HMCN2: variants seen among roughly 807,000 people sequenced by gnomAD.
The protein encoded by HMCN2 is hemicentin-2.
A neutral mutation model predicts 377.5 loss-of-function variants in HMCN2; 325 were observed. The ratio of observed to expected loss-of-function variants is 0.86; its 90% CI spans 0.79 to 0.94. The LOEUF (loss-of-function observed/expected upper bound fraction) is 0.94, where lower values mean the gene tolerates loss of function less well. HMCN2 is among the 40% of genes least tolerant of loss of function. HMCN2 has a pLI of 0.00. For missense variants in HMCN2, 4,543 were observed against 4,725.3 expected, an observed-to-expected ratio of 0.96 and a Z score of 1.13; for synonymous variants, 2,007 against 2,046.8, an observed-to-expected ratio of 0.98 and a Z score of 0.53.
chr9:130,393,128 C>T lies in HMCN2; in HGVS notation c.10137-84C>T, dbSNP rs1842422940. ...GGAGGAAGTCTTTCCACGCAGCCAG[C>T]CTCTCCTGTCTCTCTCCCTTTCTCT... On this transcript the variant is annotated intron_variant, in intron 66 of 97. Coordinates refer to ENST00000683500, the MANE Select transcript of HMCN2 (RefSeq NM_001291815.2). The surrounding 1 kb of genome is among the most constrained non-coding windows in gnomAD (Gnocchi z 5.2). The T allele has an allele frequency of 3.5e-6, 3 of 865,480 alleles. No homozygotes were observed. Among genetic ancestry groups the T allele is most frequent in the South Asian group, 1.1e-4 (2 of 18,914 alleles). 53.6% of individuals were successfully genotyped at this position (865,480 alleles called of 1,614,324 possible). A position where few individuals can be genotyped will look rare whatever the true frequency, so the allele number is the denominator to read the frequency against.
In HMCN2 at chr9:130,358,186, T is replaced by TG. The variant is rs778553184; in HGVS notation, c.5581-197dup. Among the ~76,000 whole-genome samples the TG allele has an allele frequency of 4.3e-4, 65 of 152,064 alleles. 1 individual carries two copies. The highest frequency in any genetic ancestry group is 8.3e-4 in the South Asian group (4 of 4,792). ...AGTTGTCAGAGGGAGAAAATGTCAGTGGGGGGGACAGGGAATGGTATGCCT... is the reference window on the plus strand; with the variant it reads ...AGTTGTCAGAGGGAGAAAATGTCAGTGGGGGGGGACAGGGAATGGTATGCCT... On this transcript the variant is annotated intron_variant, in intron 35 of 97. Coordinates refer to ENST00000683500, the MANE Select transcript of HMCN2 (RefSeq NM_001291815.2).
At chr9:130,431,749 G>C (rs1844771455) in intron 96 of HMCN2, among the ~76,000 whole-genome samples, 1 of 152,248 alleles carries the variant, frequency 6.6e-6, no homozygotes, top group South Asian at 2.1e-4. Flanking sequence ...TCCTAGCACT[G>C]CTGTGTGTCC....
At chr9:130,326,759 CG>C (rs1218844618) in intron 21 of HMCN2, among the ~76,000 whole-genome samples, 1 of 151,888 alleles carries the variant, frequency 6.6e-6, no homozygotes, top group African/African-American at 2.4e-5. Flanking sequence ...AAGGCGGAGG[CG>C]GGGAGCGGGG....
At position 130,403,849 on chromosome 9, in the gene HMCN2, T is replaced by C. The variant is rs1053035286; in HGVS notation, c.12122T>C (p.Met4041Thr). 1 of 1,289,558 alleles carries C rather than the reference T, an allele frequency of 7.8e-7. No homozygotes were observed. The highest frequency in any genetic ancestry group is 1.5e-5 in the African/African-American group (1 of 65,960). The allele number at this position is 1,289,558 out of a possible 1,614,324, so 79.9% of individuals were successfully genotyped here. ...CIAKNSAGSAMGKTRLVVQVP... is the reference protein window; with the variant it reads ...CIAKNSAGSATGKTRLVVQVP... ...GCTAAGAACAGTGCGGGCAGTGCCA[T>C]GGGGAAGACGCGGCTGGTGGTGCAA... Residue 4041 changes from methionine (M) to threonine (T), a missense_variant, in exon 80 of 98, where the codon ATG becomes ACG. Physicochemically the swap from Met to Thr is moderately conservative, Grantham distance 81. Coordinates refer to ENST00000683500, the MANE Select transcript of HMCN2 (RefSeq NM_001291815.2).
At chr9:130,318,043 G>A (rs1353291775) in intron 15 of HMCN2, among the ~76,000 whole-genome samples, 2 of 152,190 alleles carry the variant, frequency 1.3e-5, no homozygotes, top group Non-Finnish European at 2.9e-5. Flanking sequence ...TGCAGGAACA[G>A]TGACCTTGTG....
intron 94 of HMCN2, 200 bp downstream of exon 94, chr9:130,429,885 C>T (rs1844633802): frequency 9.7e-7 from 1 of 1,028,902 alleles, no homozygotes; most frequent in East Asian, 2.7e-5. Context: ...TTTGCACTCA[C>T]TGGGTGCCTG....
chr9:130,357,382 ATGGG>A (rs1840097284), intron 34 of HMCN2, among the ~76,000 whole-genome samples: 1 of 145,392 alleles, frequency 6.9e-6, no homozygotes, highest in Non-Finnish European at 1.5e-5. Context: ...AGATGGATGG[ATGGG>A]TGGATGGATG....
At position 130,394,273 on chromosome 9, in the gene HMCN2, G is replaced by A. The variant is rs1842486406; in HGVS notation, c.10502-112G>A. The A allele has an allele frequency of 1.4e-6, 1 of 701,930 alleles. No individual in the cohort carries two copies. The highest frequency in any genetic ancestry group is 2.1e-6 in the Non-Finnish European group (1 of 485,518). 43.5% of individuals were successfully genotyped at this position (701,930 alleles called of 1,614,324 possible). On this transcript the variant is annotated intron_variant, in intron 68 of 97. Coordinates refer to ENST00000683500, the MANE Select transcript of HMCN2 (RefSeq NM_001291815.2). This position sits in a 1 kb window ranked among gnomAD's most constrained non-coding sequence, Gnocchi z 5.1. ...ACCTTGGTGGCAGATGCAAGAACAA[G>A]GGCCACCAAAATGTGGGAGCAGAGC...
intron 74 of HMCN2, among the ~76,000 whole-genome samples, chr9:130,398,177 A>AAAAAAAAAAAAAAT (rs1842701237): frequency 6.6e-6 from 1 of 151,142 alleles, no homozygotes; most frequent in African/African-American, 2.4e-5. Context: ...AAAAAAAAAA[A>AAAAAAAAAAAAAAT]AGTAAAACAT....
rs550388407 is a variant in HMCN2, at chr9:130,409,924, CT to C, written c.12880-646del. Among the ~76,000 whole-genome samples the C allele has an allele frequency of 4.9e-4, 74 of 152,330 alleles. 1 individual carries two copies. Among genetic ancestry groups the C allele is most frequent in the African/African-American group, 1.8e-3 (73 of 41,574 alleles). ...TGGCCTCAGGCTGCCCCAGGCCCAT[CT>C]GATGGTGGCGCTGCCACTCAGAAGT... On this transcript the variant is annotated intron_variant, in intron 84 of 97. Coordinates refer to ENST00000683500, the MANE Select transcript of HMCN2 (RefSeq NM_001291815.2).
Position 130,360,549 on chromosome 9 carries a change from T to C in HMCN2, c.5895T>C (p.Cys1965=). 1 of 1,304,260 alleles carries C rather than the reference T, an allele frequency of 7.7e-7. No individual in the cohort carries two copies. Among genetic ancestry groups the C allele is most frequent in the Non-Finnish European group, 1.0e-6 (1 of 988,920 alleles). 80.8% of individuals were successfully genotyped at this position (1,304,260 alleles called of 1,614,324 possible). A position where few individuals can be genotyped will look rare whatever the true frequency, so the allele number is the denominator to read the frequency against. ...AQLSDAGSYR[C]VASNVAGSTE... ...TTTCTGATGCTGGGAGCTACCGCTGTGTGGCATCCAATGTGGCAGGTAGCA... is the reference window on the plus strand; with the variant it reads ...TTTCTGATGCTGGGAGCTACCGCTGCGTGGCATCCAATGTGGCAGGTAGCA... Residue 1965 remains cysteine, a synonymous_variant, in exon 38 of 98, where the codon TGT becomes TGC. Coordinates refer to ENST00000683500, the MANE Select transcript of HMCN2 (RefSeq NM_001291815.2). This position sits in a 1 kb window ranked among gnomAD's most constrained non-coding sequence, Gnocchi z 4.7.
rs534151340 is a variant in HMCN2 at position 130,393,655 on chromosome 9, T to A, written c.10235-87T>A. 224 of 1,158,960 alleles carry A rather than the reference T, an allele frequency of 1.9e-4. 1 individual carries two copies. The South Asian group carries it at 3.4e-3, about 18-fold the overall frequency. 71.8% of individuals were successfully genotyped at this position (1,158,960 alleles called of 1,614,324 possible). A position where few individuals can be genotyped will look rare whatever the true frequency, so the allele number is the denominator to read the frequency against. On this transcript the variant is annotated intron_variant, in intron 67 of 97. Coordinates refer to ENST00000683500, the MANE Select transcript of HMCN2 (RefSeq NM_001291815.2). This position sits in a 1 kb window ranked among gnomAD's most constrained non-coding sequence, Gnocchi z 5.2. Reference sequence around the variant, plus strand: ...CTGGCCTTGGGGGACCAGGGCGGCTTCCTGGAAGAGGTGATGTCTAAGCTG... The same window carrying A: ...CTGGCCTTGGGGGACCAGGGCGGCTACCTGGAAGAGGTGATGTCTAAGCTG...
chr9:130,384,824 G>C, intron 59 of HMCN2, 26 bp downstream of exon 59: 1 of 1,269,754 alleles, frequency 7.9e-7, no homozygotes, highest in South Asian at 1.2e-5. Flanking sequence ...TCCCCAACTT[G>C]TACTGTCCCC....
At chr9:130,364,675 A>T (rs900087724) in intron 40 of HMCN2, 39 bp from the exon 41 acceptor site, 1 of 977,296 alleles carries the variant, frequency 1.0e-6, no homozygotes, top group East Asian at 1.1e-4. Flanking sequence ...AGCCCCACCC[A>T]TGTGCCTGAG....
intron 4 of HMCN2, among the ~76,000 whole-genome samples, chr9:130,291,090 C>A (rs1229999452): frequency 6.6e-6 from 1 of 152,134 alleles, no homozygotes; most frequent in Non-Finnish European, 1.5e-5. Flanking sequence ...TGTGGCTTTG[C>A]CTTTCTTCTT....
At position 130,430,420 on chromosome 9, in the gene HMCN2, T is replaced by C. The variant is rs2131836083; in HGVS notation, c.14463T>C (p.Asn4821=). Residue 4821 remains asparagine (N), a synonymous_variant, in exon 95 of 98, where the codon AAT becomes AAC. Coordinates refer to ENST00000683500, the MANE Select transcript of HMCN2 (RefSeq NM_001291815.2). ...DGKACTSLER[N]GQNVTTVSHR... is the part of the protein sequence containing the mutation. The stretch of plus-strand genomic sequence containing the variant: ...AGGCCTGCACCTCACTGGAGCGGAA[T>C]GGACAAAATGTGACCACCGTCAGCC... The C allele has an allele frequency of 6.4e-7, 1 of 1,550,504 alleles. No individual in the cohort carries two copies. Among genetic ancestry groups the C allele is most frequent in the South Asian group, 1.2e-5 (1 of 84,066 alleles).
Position 130,425,914 on chromosome 9 carries a change from C to T in HMCN2, c.13869C>T (p.Ala4623=). The T allele has an allele frequency of 6.5e-7, 1 of 1,547,904 alleles. No individual in the cohort carries two copies. Residue 4623 remains alanine (A), a synonymous_variant, in exon 90 of 98, where the codon GCC becomes GCT. Transcript: ENST00000683500. ...CCCTGCGCTTCCAGCTCGCTACAGCCCTGCAGGCGGGTGAGGCCCCTCTGC... is the reference window on the plus strand; with the variant it reads ...CCCTGCGCTTCCAGCTCGCTACAGCTCTGCAGGCGGGTGAGGCCCCTCTGC... ...AEALRFQLAT[A]LQAEENEVGC... is the part of the protein sequence containing the mutation.
chr9:130,361,976 A>C lies in HMCN2; in HGVS notation c.5951-32A>C. 1 of 985,922 alleles carries C rather than the reference A, an allele frequency of 1.0e-6. No individual in the cohort carries two copies. The highest frequency in any genetic ancestry group is 1.2e-6 in the Non-Finnish European group (1 of 829,968). 61.1% of individuals were successfully genotyped at this position (985,922 alleles called of 1,614,324 possible). A position where few individuals can be genotyped will look rare whatever the true frequency, so the allele number is the denominator to read the frequency against. ...TGCCTGCTTTGCCCCAGTGGGGCTC[A>C]GCCTGTACCCCATGTCACCCCTGCC... is the stretch of plus-strand genomic sequence containing the variant. On this transcript the variant is annotated intron_variant, in intron 38 of 97. Coordinates refer to ENST00000683500, the MANE Select transcript of HMCN2 (RefSeq NM_001291815.2). The surrounding 1 kb of genome is among the most constrained non-coding windows in gnomAD (Gnocchi z 4.8).
intron 15 of HMCN2, among the ~76,000 whole-genome samples, chr9:130,317,564 G>A (rs1182624108): frequency 1.3e-5 from 2 of 148,974 alleles, no homozygotes; most frequent in Non-Finnish European, 3.0e-5. Context: ...GTGCTATCTC[G>A]GCTCCCTCCA....
Sources: allele counts gnomAD v4.1 joint callset (sites outside exome capture counted in the v4.1 genomes callset), GRCh38; gene constraint gnomAD v4.1.1; non-coding constraint Gnocchi (gnomAD v3.1); transcripts MANE v1.5; gene names NCBI Gene and HGNC (gene_info 2026-07-23, HGNC 2026-07-21).